Variants in BCL11A observed in about 807,000 individuals in gnomAD.
BCL11A encodes B cell CLL/lymphoma 11A.
BCL11A carries 2 observed loss-of-function variants against 55.9 expected under a neutral mutation model. The ratio of observed to expected loss-of-function variants is 0.04; its 90% CI spans 0.01 to 0.11. The LOEUF (loss-of-function observed/expected upper bound fraction) is 0.11, where lower values mean the gene tolerates loss of function less well. Ranked by LOEUF, BCL11A falls within the 10% of genes least tolerant of loss-of-function variation. BCL11A has a pLI of 1.00. For synonymous variants in BCL11A, 465 were observed against 473.4 expected, an observed-to-expected ratio of 0.98 and a Z score of 0.23; for missense variants, 817 against 1,137.1, an observed-to-expected ratio of 0.72 and a Z score of 4.05.
intron 2 of BCL11A, among the ~76,000 whole-genome samples, chr2:60,514,991 C>T (rs1668668072): frequency 6.6e-6 from 1 of 152,172 alleles, no homozygotes; most frequent in African/African-American, 2.4e-5. Flanking sequence ...CGAACTCAGC[C>T]GTTCTCCCTC....
intron 2 of BCL11A, among the ~76,000 whole-genome samples, chr2:60,507,448 A>G (rs66488669): frequency 0.1 from 14,761 of 145,202 alleles, 1,205 homozygotes; most frequent in African/African-American, 0.2. Context: ...TACAAAGACT[A>G]TTGTGCTCTT....
In BCL11A at chr2:60,546,134, G is replaced by A. The variant is rs764771964; in HGVS notation, c.222C>T (p.Ser74=). The A allele has an allele frequency of 6.8e-5, 109 of 1,614,058 alleles. 1 individual carries two copies. The Middle Eastern group carries it at 1.6e-3, about 24-fold the overall frequency. The part of the protein sequence containing the change: ...IEHKRKQCNG[S]LCLEKAVDKP... ...TATCCACAGCTTTTTCTAAGCAGAG[G>A]CTGCCATTGCATTGTTTCCGTTTGT... The change falls in exon 2 of 4, where the codon AGC becomes AGT. Residue 74 remains serine, a synonymous_variant. Transcript: ENST00000642384. The surrounding 1 kb of genome is among the most constrained non-coding windows in gnomAD (Gnocchi z 4.1).
chr2:60,542,023 A>G, intron 2 of BCL11A: 1 of 631,436 alleles, frequency 1.6e-6, no homozygotes, highest in Non-Finnish European at 2.8e-6. Context: ...AGAGCATGCT[A>G]ATGTATTTCC....
chr2:60,455,556 T>C (rs1000476162), downstream of BCL11A, among the ~76,000 whole-genome samples: 1 of 152,200 alleles, frequency 6.6e-6, no homozygotes, highest in African/African-American at 2.4e-5. Context: ...TCAAACATAA[T>C]CTGTGATTTA....
chr2:60,519,238 T>C (rs1006009161), intron 2 of BCL11A, among the ~76,000 whole-genome samples: 2 of 152,194 alleles, frequency 1.3e-5, no homozygotes, highest in African/African-American at 4.8e-5. Flanking sequence ...GCTCTGTCTA[T>C]GGGTATCAAC....
At chr2:60,524,805 A>C (rs938911127) in intron 2 of BCL11A, 2 of 152,216 alleles carry the variant, frequency 1.3e-5, no homozygotes, top group Non-Finnish European at 2.9e-5. Flanking sequence ...ATGCTTCTGA[A>C]AACATTTCAT....
chr2:60,514,873 GAAA>G (rs11437234), intron 2 of BCL11A, among the ~76,000 whole-genome samples: 1 of 120,806 alleles, frequency 8.3e-6, no homozygotes, highest in Non-Finnish European at 1.8e-5. Flanking sequence ...ACAGAAAAAA[GAAA>G]AAAAAAAAAA....
Position 60,460,167 on chromosome 2 carries a change from G to C in BCL11A, c.*237C>G. On this transcript the variant is annotated 3_prime_UTR_variant, in exon 4 of 4. Transcript: ENST00000642384. ...TGCATTCAAACGGTGAGAACATAAA[G>C]GAAAAAAAAAAAAAAGGAAAAAGAA... 1.7e-6 allele frequency: 2 copies of C among 1,183,104 alleles called. No individual in the cohort carries two copies. Among genetic ancestry groups the C allele is most frequent in the Non-Finnish European group, 2.1e-6 (2 of 953,366 alleles). The allele number at this position is 1,183,104 out of a possible 1,614,324, so 73.3% of individuals were successfully genotyped here.
chr2:60,517,194 CA>C (rs1437343456), intron 2 of BCL11A, among the ~76,000 whole-genome samples: 1 of 152,098 alleles, frequency 6.6e-6, no homozygotes, highest in African/African-American at 2.4e-5. Context: ...TTGGGCTGGC[CA>C]ATTCTGGAGG....
At chr2:60,479,519 T>C (rs1392704873) in intron 2 of BCL11A, among the ~76,000 whole-genome samples, 2 of 152,162 alleles carry the variant, frequency 1.3e-5, no homozygotes, top group Admixed American at 1.3e-4. Context: ...TCCTTTTGCT[T>C]CCAGGGCCTC....
chr2:60,510,827 G>T (rs1399605417), intron 2 of BCL11A, among the ~76,000 whole-genome samples: 1 of 152,234 alleles, frequency 6.6e-6, no homozygotes, highest in African/African-American at 2.4e-5. Context: ...GTTTGAGCCA[G>T]ATTCCATTTT....
At chr2:60,498,844 A>G (rs1023977893) in intron 2 of BCL11A, among the ~76,000 whole-genome samples, 1 of 151,636 alleles carries the variant, frequency 6.6e-6, no homozygotes, top group African/African-American at 2.4e-5. Flanking sequence ...ATATGTATGT[A>G]CCTTATACAT....
intron 2 of BCL11A, among the ~76,000 whole-genome samples, chr2:60,528,856 A>G (rs183256601): frequency 2.0e-5 from 3 of 152,316 alleles, no homozygotes; most frequent in East Asian, 3.9e-4. Context: ...GGAGCGAGTA[A>G]TGTCTGTGCT....
At chr2:60,550,772 G>A in intron 1 of BCL11A, 2 of 398,816 alleles carry the variant, frequency 5.0e-6, no homozygotes, top group Non-Finnish European at 8.8e-6. Flanking sequence ...TGGACTGCGC[G>A]CCCCGGTCTG....
chr2:60,516,999 G>A (rs2104526247), intron 2 of BCL11A, among the ~76,000 whole-genome samples: 2 of 152,234 alleles, frequency 1.3e-5, no homozygotes, highest in East Asian at 3.9e-4. Flanking sequence ...GGCGGAGAAT[G>A]GAATGAAGAA....
chr2:60,496,588 T>G (rs186824634), intron 2 of BCL11A: 1 of 152,398 alleles, frequency 6.6e-6, no homozygotes, highest in Admixed American at 6.5e-5. Context: ...CAGTTACCCC[T>G]TCTGGAAGAG....
At chr2:60,472,196 G>C (rs114122990) in intron 2 of BCL11A, among the ~76,000 whole-genome samples, 1 of 152,272 alleles carries the variant, frequency 6.6e-6, no homozygotes, top group African/African-American at 2.4e-5. Context: ...TCAGGTCCAG[G>C]GCCTTCTTAG....
intron 2 of BCL11A, among the ~76,000 whole-genome samples, chr2:60,500,408 C>T (rs2104398983): frequency 6.6e-6 from 1 of 152,290 alleles, no homozygotes; most frequent in South Asian, 2.1e-4. Context: ...GATGTGCCTT[C>T]AGAGAAGGGC....
intron 2 of BCL11A, chr2:60,527,986 A>T (rs1398308928): frequency 6.6e-6 from 1 of 152,214 alleles, no homozygotes; most frequent in East Asian, 1.9e-4. Context: ...CCACATGCGG[A>T]TCATATGGAG....
Sources: allele counts gnomAD v4.1 joint callset (sites outside exome capture counted in the v4.1 genomes callset), GRCh38; gene constraint gnomAD v4.1.1; non-coding constraint Gnocchi (gnomAD v3.1); transcripts MANE v1.5; gene names NCBI Gene and HGNC (gene_info 2026-07-23, HGNC 2026-07-21).